Variants in ANKS1A observed in about 807,000 individuals in gnomAD.
The protein encoded by ANKS1A is ankyrin repeat and SAM domain-containing protein 1A.
Under a neutral mutation model 120.3 loss-of-function variants are expected in ANKS1A, and 55 were observed. The ratio of observed to expected loss-of-function variants is 0.46; its 90% CI spans 0.37 to 0.57. The LOEUF (loss-of-function observed/expected upper bound fraction) is 0.57. Among genes scored for constraint, ANKS1A ranks in the 20% least tolerant of loss-of-function variants. ANKS1A has a pLI of 0.00. For missense variants in ANKS1A, 1,123 were observed against 1,480.3 expected (o/e 0.76, Z 3.96); for synonymous variants, 590 against 604.7 (o/e 0.98, Z 0.36).
intron 11 of ANKS1A, among the ~76,000 whole-genome samples, chr6:35,028,635 G>A (rs556513230): frequency 6.6e-6 from 1 of 152,296 alleles, no homozygotes; most frequent in African/African-American, 2.4e-5. Flanking sequence ...GCATGTAGAA[G>A]CATTTCTGAC....
At chr6:34,960,172 C>T (rs974611042) in intron 1 of ANKS1A, among the ~76,000 whole-genome samples, 2 of 152,198 alleles carry the variant, frequency 1.3e-5, no homozygotes, top group African/African-American at 4.8e-5. Flanking sequence ...CCCCTCACGG[C>T]TCTTTACTTT....
Position 35,017,888 on chromosome 6 carries a change from C to G in ANKS1A, c.1839C>G (p.Pro613=). The part of the protein sequence containing the change: ...ARSRAPPTSK[P]KAELKLSRSL... ...GCCGAGCGCCTCCCACTAGCAAACC[C>G]AAAGCTGAACTCAAACTCAGCCGCA... Residue 613 remains proline (P), a synonymous_variant, in exon 11 of 24, where the codon CCC becomes CCG. Coordinates refer to ENST00000360359, the MANE Select transcript of ANKS1A (RefSeq NM_015245.3). 1 of 1,614,216 alleles carries G rather than the reference C, an allele frequency of 6.2e-7. No individual in the cohort carries two copies. Among genetic ancestry groups the G allele is most frequent in the Non-Finnish European group, 8.5e-7 (1 of 1,180,022 alleles).
At chr6:35,024,707 A>G (rs1173727502) in intron 11 of ANKS1A, among the ~76,000 whole-genome samples, 1 of 152,236 alleles carries the variant, frequency 6.6e-6, no homozygotes, top group Non-Finnish European at 1.5e-5. Flanking sequence ...GGCCAAGTCC[A>G]GAAGTGGCCT....
intron 20 of ANKS1A, 80 bp downstream of exon 20, chr6:35,083,583 C>T (rs1299843645): frequency 6.6e-6 from 9 of 1,369,310 alleles, no homozygotes; most frequent in South Asian, 1.2e-5. Context: ...GCAAGCAACC[C>T]GGCTGCCCTG....
chr6:35,063,109 G>GAGGGGC (rs1776600880), intron 13 of ANKS1A, among the ~76,000 whole-genome samples: 1 of 152,176 alleles, frequency 6.6e-6, no homozygotes. Flanking sequence ...CTTTGATTTA[G>GAGGGGC]AGGGGCAGGG....
Position 34,889,428 on chromosome 6 carries a change from A to G in ANKS1A, c.26A>G (p.Glu9Gly). 2 of 1,286,086 alleles carry G rather than the reference A, an allele frequency of 1.6e-6. No individual in the cohort carries two copies. The highest frequency in any genetic ancestry group is 9.8e-7 in the Non-Finnish European group (1 of 1,019,954). 79.7% of individuals were successfully genotyped at this position (1,286,086 alleles called of 1,614,324 possible). The change falls in exon 1 of 24, where the codon GAG becomes GGG. Residue 9 changes from glutamate to glycine, a missense_variant. This residue lies in a region of ANKS1A where 73 missense variants were observed against 82.2 expected (regional missense o/e 0.89). Transcript: ENST00000360359. This position sits in a 1 kb window ranked among gnomAD's most constrained non-coding sequence, Gnocchi z 5.5. The stretch of plus-strand genomic sequence containing the variant: ...ATGGGGAAGGAGCAGGAGCTGCTGG[A>G]GGCGGCCCGCACCGGGCACCTCCCG... MGKEQELL[E>G]AARTGHLPAV...
chr6:35,054,252 A>T, intron 12 of ANKS1A, 87 bp downstream of exon 12: 1 of 1,295,680 alleles, frequency 7.7e-7, no homozygotes, highest in South Asian at 1.2e-5. Flanking sequence ...CAGAAGACAG[A>T]CATTCAGTGG....
At chr6:34,965,388 G>A (rs1202812052) in intron 1 of ANKS1A, among the ~76,000 whole-genome samples, 1 of 152,124 alleles carries the variant, frequency 6.6e-6, no homozygotes, top group Admixed American at 6.5e-5. Flanking sequence ...GTCTCACTCT[G>A]TCACCTAGGC....
In ANKS1A at chr6:35,089,335, C is replaced by G. The variant is rs1223912510; in HGVS notation, c.*726C>G. 2.0e-6 allele frequency: 2 copies of G among 987,026 alleles called. No homozygotes were observed. Among genetic ancestry groups the G allele is most frequent in the African/African-American group, 3.5e-5 (2 of 57,238 alleles). The allele number at this position is 987,026 out of a possible 1,614,324, so 61.1% of individuals were successfully genotyped here. A position where few individuals can be genotyped will look rare whatever the true frequency, so the allele number is the denominator to read the frequency against. ...GAAGATAAGTGTGCAGTTTCTAGTG[C>G]TGGGAAGTCTTAGCCAGCACCAGAG... On this transcript the variant is annotated 3_prime_UTR_variant, in exon 24 of 24. Transcript: ENST00000360359.
chr6:34,920,945 A>T (rs1260227140), intron 1 of ANKS1A, among the ~76,000 whole-genome samples: 1 of 152,120 alleles, frequency 6.6e-6, no homozygotes, highest in East Asian at 1.9e-4. Context: ...CATTAAAGGG[A>T]TTCATTCTTT....
chr6:34,958,163 A>G (rs1249076577), intron 1 of ANKS1A, among the ~76,000 whole-genome samples: 7 of 152,094 alleles, frequency 4.6e-5, no homozygotes, highest in Non-Finnish European at 1.0e-4. Context: ...AACAAATTCA[A>G]AATAAAACTC....
In ANKS1A at chr6:34,943,359, C is replaced by T. The variant is rs1769626863; in HGVS notation, c.198-23880C>T. Among the ~76,000 whole-genome samples the T allele has an allele frequency of 2.0e-5, 3 of 152,190 alleles. No homozygotes were observed. The South Asian group carries it at 6.2e-4, about 32-fold the overall frequency. On this transcript the variant is annotated intron_variant, in intron 1 of 23. Transcript: ENST00000360359. ...ACAGTTTCCCCTATTATTATTAACACCTTGCCTGTGTGATACTAACATCTT... is the reference window on the plus strand; with the variant it reads ...ACAGTTTCCCCTATTATTATTAACATCTTGCCTGTGTGATACTAACATCTT...
intron 3 of ANKS1A, among the ~76,000 whole-genome samples, chr6:34,979,000 A>G (rs1771758989): frequency 6.6e-6 from 1 of 151,314 alleles, no homozygotes; most frequent in Non-Finnish European, 1.5e-5. Flanking sequence ...GGTTCACGCC[A>G]TTCTCTTGCC....
intron 1 of ANKS1A, among the ~76,000 whole-genome samples, chr6:34,943,044 T>A (rs1355539665): frequency 6.6e-6 from 1 of 151,656 alleles, no homozygotes; most frequent in Non-Finnish European, 1.5e-5. Context: ...CAAAGCTCAC[T>A]ATAACCTTTA....
In ANKS1A at chr6:34,967,541, A is replaced by AT. The variant is rs1159802174; in HGVS notation, c.278+229dup. 3.9e-3 allele frequency among the ~76,000 whole-genome samples: 574 copies of AT among 147,178 alleles called. 3 individuals carry two copies. Among genetic ancestry groups the AT allele is most frequent in the African/African-American group, 4.1e-3 (160 of 38,560 alleles). ...TCTCCACAAAAAAAAAAAAAAAAAA[A>AT]TTTTTTTAATTAATCAGGCGTGGTA... On this transcript the variant is annotated intron_variant, in intron 2 of 23. Transcript: ENST00000360359.
At chr6:35,093,917 CAG>C (rs1778382554), downstream of ANKS1A, among the ~76,000 whole-genome samples, 1 of 152,326 alleles carries the variant, frequency 6.6e-6, no homozygotes, top group South Asian at 2.1e-4. Flanking sequence ...CGCATGTTGT[CAG>C]AGGGGGCCTG....
intron 3 of ANKS1A, among the ~76,000 whole-genome samples, chr6:34,977,651 T>C (rs768865805): frequency 2.0e-5 from 3 of 152,230 alleles, no homozygotes; most frequent in Non-Finnish European, 2.9e-5. Context: ...CCTTCCATTT[T>C]TTTTTGGATC....
intron 11 of ANKS1A, among the ~76,000 whole-genome samples, chr6:35,031,221 T>A (rs1774891531): frequency 6.6e-6 from 1 of 152,114 alleles, no homozygotes; most frequent in South Asian, 2.1e-4. Flanking sequence ...CTCAGCCTCT[T>A]CCCTGTTGTG....
chr6:35,012,885 G>A (rs1161381260), intron 10 of ANKS1A, among the ~76,000 whole-genome samples: 1 of 152,088 alleles, frequency 6.6e-6, no homozygotes, highest in East Asian at 1.9e-4. Context: ...TTCTCTCCTA[G>A]AAGGGCAGAC....
Sources: allele counts gnomAD v4.1 joint callset (sites outside exome capture counted in the v4.1 genomes callset), GRCh38; gene constraint gnomAD v4.1.1; regional missense constraint gnomAD v4.1.1; non-coding constraint Gnocchi (gnomAD v3.1); transcripts MANE v1.5; gene names NCBI Gene and HGNC (gene_info 2026-07-23, HGNC 2026-07-21).